IMMP2L: variants seen among roughly 807,000 people sequenced by gnomAD.
IMMP2L encodes the protein mitochondrial inner membrane protease subunit 2.
Under a neutral mutation model 19.3 loss-of-function variants are expected in IMMP2L, and 18 were observed. The ratio of observed to expected loss-of-function variants is 0.93; its 90% CI spans 0.64 to 1.38. The LOEUF is 1.38. IMMP2L is among the 40% of genes most tolerant of loss of function. The pLI is 0.00. For missense variants in IMMP2L, 233 were observed against 218.2 expected (o/e 1.07, Z -0.43); for synonymous variants, 76 against 73.0 (o/e 1.04, Z -0.21).
At chr7:111,527,106 T>C (rs1306439168) in intron 1 of IMMP2L, among the ~76,000 whole-genome samples, 1 of 152,054 alleles carries the variant, frequency 6.6e-6, no homozygotes, top group Non-Finnish European at 1.5e-5. Context: ...TCTCTGTCTA[T>C]AACCAGTTCC....
At chr7:110,905,902 G>A (rs1812400924) in intron 4 of IMMP2L, among the ~76,000 whole-genome samples, 1 of 152,094 alleles carries the variant, frequency 6.6e-6, no homozygotes, top group South Asian at 2.1e-4. Context: ...TTTGAAATAA[G>A]AAGTCATTCT....
intron 4 of IMMP2L, among the ~76,000 whole-genome samples, chr7:110,957,153 C>A (rs1818436329): frequency 6.6e-6 from 1 of 151,792 alleles, no homozygotes; most frequent in Admixed American, 6.6e-5. Context: ...TGATTTTAAT[C>A]AATGCTGACA....
chr7:111,294,945 A>G (rs1454030532), intron 3 of IMMP2L, among the ~76,000 whole-genome samples: 1 of 151,942 alleles, frequency 6.6e-6, no homozygotes. Flanking sequence ...AAGAAAACTA[A>G]TATTTTAGCC....
Position 111,027,113 on chromosome 7 carries a change from T to G in IMMP2L, c.240-63548A>C, listed in dbSNP as rs1263428609. Among the ~76,000 whole-genome samples, 3 of 152,160 alleles carry G rather than the reference T, an allele frequency of 2.0e-5. No homozygotes were observed. In the East Asian group the frequency reaches 5.8e-4, roughly 29 times the overall value. On this transcript the variant is annotated intron_variant, in intron 3 of 5. Transcript: ENST00000405709. Reference sequence around the variant, plus strand: ...AACTCACCACAGATTAACCACTCTGTTTATTGATCTATTGCTTATAAAGAG... The same window carrying G: ...AACTCACCACAGATTAACCACTCTGGTTATTGATCTATTGCTTATAAAGAG...
chr7:111,222,667 T>C (rs927562072), intron 3 of IMMP2L, among the ~76,000 whole-genome samples: 13 of 152,014 alleles, frequency 8.6e-5, no homozygotes, highest in African/African-American at 3.1e-4. Flanking sequence ...TACCAAGTTT[T>C]ATGAGGTGAG....
intron 3 of IMMP2L, among the ~76,000 whole-genome samples, chr7:111,256,634 A>G (rs1481251360): frequency 2.0e-5 from 3 of 152,066 alleles, no homozygotes; most frequent in African/African-American, 7.2e-5. Flanking sequence ...ATAGAGGACC[A>G]TGCTGCCTAG....
intron 5 of IMMP2L, among the ~76,000 whole-genome samples, chr7:110,800,318 C>A (rs1043784696): frequency 1.3e-5 from 2 of 151,986 alleles, no homozygotes; most frequent in African/African-American, 4.8e-5. Context: ...AATTATCAAG[C>A]TCCCCTCCCG....
Position 110,756,340 on chromosome 7 carries a change from G to C in IMMP2L, c.409-92619C>G, listed in dbSNP as rs76404047. ...CAAAGCAGAAATAGGCTAGTGGCTG[G>C]AGTAGAAGGAGGTGCAGTTACATCC... On this transcript the variant is annotated intron_variant, in intron 5 of 5. Coordinates refer to ENST00000405709, the MANE Select transcript of IMMP2L (RefSeq NM_032549.4). 5.9e-3 allele frequency among the ~76,000 whole-genome samples: 901 copies of C among 152,198 alleles called. 8 individuals are homozygous for C. The highest frequency in any genetic ancestry group is 0.02 in the African/African-American group (849 of 41,542).
At chr7:111,542,718 A>T (rs1276770562) in intron 1 of IMMP2L, among the ~76,000 whole-genome samples, 1 of 152,176 alleles carries the variant, frequency 6.6e-6, no homozygotes, top group Non-Finnish European at 1.5e-5. Context: ...CACTATGTAA[A>T]AGGTAAATGT....
Position 111,548,220 on chromosome 7 carries a change from A to AT in IMMP2L, c.-3+13630_-3+13631insA, listed in dbSNP as rs1004290316. Among the ~76,000 whole-genome samples, 21 of 151,904 alleles carry AT rather than the reference A, an allele frequency of 1.4e-4. 1 individual carries two copies. The Middle Eastern group carries it at 0.01, about 74-fold the overall frequency. On this transcript the variant is annotated intron_variant, in intron 1 of 5. Coordinates refer to ENST00000405709, the MANE Select transcript of IMMP2L (RefSeq NM_032549.4). ...TGACCTTCTATGTGCTTGCTACAAA[A>AT]AAAAAGTTCTTCCAAACAAATACAT...
At chr7:111,000,498 C>A (rs773492483) in intron 3 of IMMP2L, among the ~76,000 whole-genome samples, 4 of 152,080 alleles carry the variant, frequency 2.6e-5, no homozygotes, top group South Asian at 2.1e-4. Flanking sequence ...TTTGAAAATA[C>A]CTTTTCTCAT....
intron 3 of IMMP2L, among the ~76,000 whole-genome samples, chr7:111,419,066 C>T (rs1300839979): frequency 6.6e-6 from 1 of 151,726 alleles, no homozygotes; most frequent in Non-Finnish European, 1.5e-5. Context: ...GAAATCAAAT[C>T]AAATGCCTAG....
intron 3 of IMMP2L, among the ~76,000 whole-genome samples, chr7:111,428,597 A>G (rs1836318306): frequency 6.8e-6 from 1 of 147,322 alleles, no homozygotes; most frequent in South Asian, 2.1e-4. Flanking sequence ...AGTGTCTATC[A>G]ATTTTACTTT....
At chr7:111,167,145 T>C (rs1586658551) in intron 3 of IMMP2L, among the ~76,000 whole-genome samples, 2 of 152,102 alleles carry the variant, frequency 1.3e-5, no homozygotes, top group African/African-American at 2.4e-5. Flanking sequence ...TTTACCACTT[T>C]ACAATTTTCC....
intron 3 of IMMP2L, among the ~76,000 whole-genome samples, chr7:111,006,937 G>A (rs1003782662): frequency 4.6e-5 from 7 of 152,028 alleles, no homozygotes; most frequent in Non-Finnish European, 8.8e-5. Flanking sequence ...GCTCGCTTGA[G>A]AGCATTTCTA....
chr7:111,212,930 C>T (rs1402568527), intron 3 of IMMP2L, among the ~76,000 whole-genome samples: 1 of 152,164 alleles, frequency 6.6e-6, no homozygotes, highest in Non-Finnish European at 1.5e-5. Context: ...ATCCTCATGA[C>T]GGCAGCCCAT....
At chr7:111,009,206 G>C (rs1322886688) in intron 3 of IMMP2L, among the ~76,000 whole-genome samples, 2 of 151,998 alleles carry the variant, frequency 1.3e-5, no homozygotes, top group Non-Finnish European at 2.9e-5. Flanking sequence ...GATTGTTCTA[G>C]AAAAGATTTT....
At chr7:110,695,499 T>A (rs1371223476) in intron 5 of IMMP2L, among the ~76,000 whole-genome samples, 1 of 152,090 alleles carries the variant, frequency 6.6e-6, no homozygotes, top group Non-Finnish European at 1.5e-5. Context: ...CAGCCAGAAA[T>A]GTTCACTTAA....
intron 3 of IMMP2L, among the ~76,000 whole-genome samples, chr7:111,011,879 G>A (rs893668167): frequency 6.6e-6 from 1 of 152,108 alleles, no homozygotes; most frequent in Non-Finnish European, 1.5e-5. Flanking sequence ...GTAGGAGAGC[G>A]AGCACAAAAT....
Sources: allele counts gnomAD v4.1 joint callset (sites outside exome capture counted in the v4.1 genomes callset), GRCh38; gene constraint gnomAD v4.1.1; transcripts MANE v1.5; gene names NCBI Gene and HGNC (gene_info 2026-07-23, HGNC 2026-07-21).